Variants in UNC5C observed in about 807,000 individuals in gnomAD.
The protein encoded by UNC5C is unc-5 netrin receptor C.
Under a neutral mutation model 99.8 loss-of-function variants are expected in UNC5C, and 47 were observed. The ratio of observed to expected loss-of-function variants is 0.47; its 90% confidence interval spans 0.37 to 0.60. UNC5C has a LOEUF of 0.60. Among genes scored for constraint, UNC5C ranks in the 20% least tolerant of loss-of-function variants. The pLI is 0.00. For missense variants in UNC5C, 1,062 were observed against 1,165.9 expected (o/e 0.91, Z 1.30); for synonymous variants, 487 against 452.2 (o/e 1.08, Z -0.98).
chr4:95,386,548 A>T (rs944848157), intron 1 of UNC5C, among the ~76,000 whole-genome samples: 3 of 152,232 alleles, frequency 2.0e-5, no homozygotes, highest in African/African-American at 7.2e-5. Flanking sequence ...AAGTTAAGAC[A>T]TGAATGGCTT....
chr4:95,477,825 C>T (rs1240676804), intron 1 of UNC5C, among the ~76,000 whole-genome samples: 1 of 151,960 alleles, frequency 6.6e-6, no homozygotes, highest in Non-Finnish European at 1.5e-5. Context: ...ATAATAAGCA[C>T]ATACCTATAC....
chr4:95,470,247 T>A (rs114032102), intron 1 of UNC5C, among the ~76,000 whole-genome samples: 1 of 152,184 alleles, frequency 6.6e-6, no homozygotes, highest in African/African-American at 2.4e-5. Context: ...TGCAATGTTT[T>A]CCAAATTGCT....
intron 3 of UNC5C, among the ~76,000 whole-genome samples, chr4:95,279,662 TA>T (rs1740984182): frequency 6.6e-6 from 1 of 152,226 alleles, no homozygotes; most frequent in Non-Finnish European, 1.5e-5. Context: ...ATTAGAATTT[TA>T]CCCAGTGAAT....
At chr4:95,500,737 C>T (rs1458946795) in intron 1 of UNC5C, among the ~76,000 whole-genome samples, 1 of 152,080 alleles carries the variant, frequency 6.6e-6, no homozygotes. Context: ...ATTAATGCAG[C>T]CAGGCAGAAA....
At chr4:95,303,037 G>A (rs1443799849) in intron 2 of UNC5C, among the ~76,000 whole-genome samples, 1 of 152,134 alleles carries the variant, frequency 6.6e-6, no homozygotes, top group Non-Finnish European at 1.5e-5. Context: ...AGGAGGGACA[G>A]GACATATGGG....
At chr4:95,432,742 T>G (rs1417576168) in intron 1 of UNC5C, among the ~76,000 whole-genome samples, 1 of 151,920 alleles carries the variant, frequency 6.6e-6, no homozygotes, top group African/African-American at 2.4e-5. Context: ...AGAACAAACA[T>G]CAATAAAAGG....
At chr4:95,521,038 A>G (rs1422249430) in intron 1 of UNC5C, among the ~76,000 whole-genome samples, 3 of 152,038 alleles carry the variant, frequency 2.0e-5, no homozygotes, top group African/African-American at 7.2e-5. Context: ...AAATGAGCAT[A>G]ATCAAGGCAG....
intron 2 of UNC5C, 110 bp from the exon 3 acceptor site, chr4:95,301,859 A>G: frequency 7.4e-7 from 1 of 1,345,494 alleles, no homozygotes. Context: ...CCATAGATCA[A>G]CAACCCAGAT....
In UNC5C at chr4:95,320,309, C is replaced by A. The variant is rs185546626; in HGVS notation, c.346+15101G>T. On this transcript the variant is annotated intron_variant, in intron 2 of 15. Coordinates refer to ENST00000453304, the MANE Select transcript of UNC5C (RefSeq NM_003728.4). ...TGGTGGCGGGCGCCTATAATCCCAG[C>A]TACTGGGGAGGCTGAGGCAGGAGGA... 3.3e-3 allele frequency among the ~76,000 whole-genome samples: 497 copies of A among 151,088 alleles called. 1 individual carries two copies. Among genetic ancestry groups the A allele is most frequent in the African/African-American group, 0.012 (481 of 41,186 alleles).
At chr4:95,292,236 CAT>C (rs71583696) in intron 3 of UNC5C, among the ~76,000 whole-genome samples, 4,201 of 88,398 alleles carry the variant, frequency 0.048, 49 homozygotes, top group African/African-American at 0.075. Flanking sequence ...CACACACACA[CAT>C]ATATATATAT....
At chr4:95,295,191 A>T (rs1419078220) in intron 3 of UNC5C, among the ~76,000 whole-genome samples, 1 of 152,220 alleles carries the variant, frequency 6.6e-6, no homozygotes, top group Non-Finnish European at 1.5e-5. Flanking sequence ...TTCACTCATC[A>T]GCCTGTAACA....
At chr4:95,401,057 T>G (rs1745678483) in intron 1 of UNC5C, among the ~76,000 whole-genome samples, 1 of 152,184 alleles carries the variant, frequency 6.6e-6, no homozygotes, top group African/African-American at 2.4e-5. Context: ...CTCTTTTTAT[T>G]TTTATATTTG....
In UNC5C at chr4:95,198,750, A is replaced by T. The variant is rs771172069; in HGVS notation, c.2136+3981T>A. 8.6e-4 allele frequency among the ~76,000 whole-genome samples: 131 copies of T among 152,294 alleles called. 1 individual carries two copies. The highest frequency in any genetic ancestry group is 7.2e-4 in the Non-Finnish European group (49 of 68,028). ...CTTGGCCTTGGGGTTTGTTAGGGGT[A>T]CAGTCTTCGCTGGAGGCATTGTGAG... On this transcript the variant is annotated intron_variant, in intron 12 of 15. Transcript: ENST00000453304.
intron 1 of UNC5C, among the ~76,000 whole-genome samples, chr4:95,440,853 T>G (rs1746929805): frequency 6.6e-6 from 1 of 152,204 alleles, no homozygotes; most frequent in South Asian, 2.1e-4. Flanking sequence ...CACTTACTGC[T>G]TACATCACAA....
intron 1 of UNC5C, among the ~76,000 whole-genome samples, chr4:95,401,637 T>C (rs1238236509): frequency 2.6e-5 from 4 of 152,184 alleles, no homozygotes; most frequent in African/African-American, 9.6e-5. Flanking sequence ...GTAATAATCC[T>C]AAGAACTCAA....
intron 1 of UNC5C, among the ~76,000 whole-genome samples, chr4:95,537,256 C>G (rs150271726): frequency 6.6e-6 from 1 of 152,002 alleles, no homozygotes; most frequent in Non-Finnish European, 1.5e-5. Context: ...TTCAAGTGAC[C>G]GTTGTGAAAA....
intron 1 of UNC5C, among the ~76,000 whole-genome samples, chr4:95,514,695 T>C (rs1722169679): frequency 6.6e-6 from 1 of 150,836 alleles, no homozygotes; most frequent in Non-Finnish European, 1.5e-5. Flanking sequence ...TTCCTTGAGA[T>C]GGAGTCTTGC....
chr4:95,348,240 T>G (rs914472788), intron 1 of UNC5C, among the ~76,000 whole-genome samples: 1 of 151,888 alleles, frequency 6.6e-6, no homozygotes, highest in Non-Finnish European at 1.5e-5. Context: ...TAAAATGACT[T>G]TTATTCAAAA....
chr4:95,513,230 G>T (rs374712576), intron 1 of UNC5C, among the ~76,000 whole-genome samples: 1 of 152,228 alleles, frequency 6.6e-6, no homozygotes, highest in East Asian at 1.9e-4. Flanking sequence ...TCTGGTGGGA[G>T]AAGGGAGAAA....
Sources: gnomAD v4.1 joint callset for allele counts (sites outside exome capture counted in the v4.1 genomes callset) on GRCh38, gnomAD v4.1.1 for gene constraint, MANE v1.5 for transcripts, NCBI Gene and HGNC (gene_info 2026-07-23, HGNC 2026-07-21) for gene names.